Variants in NOTUM observed in about 807,000 individuals in gnomAD.
NOTUM encodes the protein notum, palmitoleoyl-protein carboxylesterase.
NOTUM carries 36 observed loss-of-function variants against 65.5 expected under a neutral mutation model. The ratio of observed to expected loss-of-function variants is 0.55; its 90% CI spans 0.42 to 0.73. NOTUM has a LOEUF of 0.73. Ranked by LOEUF, NOTUM falls within the 30% of genes least tolerant of loss-of-function variation. NOTUM has a pLI of 0.00. For synonymous variants in NOTUM, 356 were observed against 297.9 expected (o/e 1.20, Z -2.01); for missense variants, 659 against 694.2 (o/e 0.95, Z 0.57).
At position 81,952,766 on chromosome 17, in the gene NOTUM, C is replaced by T. The variant is rs2143937768; in HGVS notation, c.*195G>A. ...GCCACAGATGGGGATGACAGCAGGT[C>T]CCTTGTCTCTGGCTGGGCTGTGGGA... is the stretch of plus-strand genomic sequence containing the variant. On this transcript the variant is annotated 3_prime_UTR_variant, in exon 11 of 11. Transcript: ENST00000409678. The T allele has an allele frequency of 1.7e-6, 1 of 601,122 alleles. No individual in the cohort carries two copies. Among genetic ancestry groups the T allele is most frequent in the Non-Finnish European group, 3.0e-6 (1 of 337,214 alleles). The allele number at this position is 601,122 out of a possible 1,614,324, so 37.2% of individuals were successfully genotyped here.
At position 81,959,541 on chromosome 17, in the gene NOTUM, C is replaced by T; in HGVS notation, c.402G>A (p.Glu134=). 11 of 1,549,118 alleles carry T rather than the reference C, an allele frequency of 7.1e-6. No individual in the cohort carries two copies. Among genetic ancestry groups the T allele is most frequent in the Non-Finnish European group, 9.6e-6 (11 of 1,146,546 alleles). ...TGGTGTCGTATCTGGAGTCGCAGTT[C>T]TCGCGGTTGAAGCAGTACCAGCCGC... The part of the protein sequence containing the change: ...LEGGWYCFNR[E]NCDSRYDTMR... Residue 134 remains glutamate, a synonymous_variant, in exon 3 of 11, where the codon GAG becomes GAA. Transcript: ENST00000409678.
intron 5 of NOTUM, 135 bp from the exon 6 acceptor site, chr17:81,958,043 TGGGTGGACTGGAGGAAGGCG>T: frequency 1.4e-6 from 1 of 693,162 alleles, no homozygotes; most frequent in Admixed American, 2.5e-5. Flanking sequence ...GTCAGGGGCT[TGGGTGGACTGGAGGAAGGCG>T]GGTGCACCAG....
At chr17:81,958,032 G>C in intron 5 of NOTUM, 124 bp from the exon 6 acceptor site, 1 of 738,986 alleles carries the variant, frequency 1.4e-6, no homozygotes. Context: ...TCTGAGAAGG[G>C]GTCAGGGGCT....
In NOTUM at chr17:81,955,554, G is replaced by C; in HGVS notation, c.989-10C>G. 1 of 1,606,524 alleles carries C rather than the reference G, an allele frequency of 6.2e-7. No homozygotes were observed. The highest frequency in any genetic ancestry group is 8.5e-7 in the Non-Finnish European group (1 of 1,176,756). On this transcript the variant is annotated splice_polypyrimidine_tract_variant and intron_variant, in intron 8 of 10. Coordinates refer to ENST00000409678, the MANE Select transcript of NOTUM (RefSeq NM_178493.6). ...ACCACGAACACAGGGCCTGCGGGCG[G>C]CGGGGCTCAGTTCGGCCTCCCCTGA... is the stretch of plus-strand genomic sequence containing the variant.
chr17:81,956,796 G>C, intron 7 of NOTUM, 46 bp from the exon 8 acceptor site: 2 of 1,592,634 alleles, frequency 1.3e-6, no homozygotes, highest in Non-Finnish European at 1.7e-6. Context: ...CTCGTCCCCC[G>C]GGGCTCCCCA....
Position 81,960,986 on chromosome 17 carries a change from C to A in NOTUM, c.-77G>T. ...GCGGGGGATGCCGGGCCGGGGGTGC[C>A]GGGCCGGGGGTGTCGGGGGCACTGG... On this transcript the variant is annotated 5_prime_UTR_variant, in exon 1 of 11. Coordinates refer to ENST00000409678, the MANE Select transcript of NOTUM (RefSeq NM_178493.6). This position sits in a 1 kb window ranked among gnomAD's most constrained non-coding sequence, Gnocchi z 6.4. 3 of 806,478 alleles carry A rather than the reference C, an allele frequency of 3.7e-6. No individual in the cohort carries two copies. Among genetic ancestry groups the A allele is most frequent in the Non-Finnish European group, 4.8e-6 (3 of 626,750 alleles). 50.0% of individuals were successfully genotyped at this position (806,478 alleles called of 1,614,324 possible). A position where few individuals can be genotyped will look rare whatever the true frequency, so the allele number is the denominator to read the frequency against.
intron 9 of NOTUM, among the ~76,000 whole-genome samples, chr17:81,954,567 A>G (rs1170892271): frequency 2.0e-5 from 3 of 152,218 alleles, no homozygotes; most frequent in African/African-American, 7.2e-5. Context: ...AGACAGGCAA[A>G]TATTCTGCTA....
chr17:81,959,882 C>CATT (rs2041461178), intron 1 of NOTUM, 190 bp from the exon 2 acceptor site: 2 of 213,466 alleles, frequency 9.4e-6, no homozygotes, highest in African/African-American at 2.3e-5. Context: ...GCTCGCGGGG[C>CATT]GGGGAACGGG....
In NOTUM at chr17:81,957,961, C is replaced by T. The variant is rs551557586; in HGVS notation, c.593-53G>A. On this transcript the variant is annotated intron_variant, in intron 5 of 10. Coordinates refer to ENST00000409678, the MANE Select transcript of NOTUM (RefSeq NM_178493.6). ...TAGGGGCCTGGACAGAGAGAACCAC[C>T]TCCTACCCCAGAATGGCTGGCAGAG... 4.2e-5 allele frequency: 55 copies of T among 1,297,032 alleles called. No homozygotes were observed. In the African/African-American group the frequency reaches 5.9e-4, roughly 14 times the overall value. The allele number at this position is 1,297,032 out of a possible 1,614,324, so 80.3% of individuals were successfully genotyped here.
intron 8 of NOTUM, among the ~76,000 whole-genome samples, chr17:81,955,870 G>A (rs1356282038): frequency 9.4e-6 from 1 of 106,830 alleles, no homozygotes; most frequent in Non-Finnish European, 1.9e-5. Context: ...GGCCCCTGCA[G>A]TGCCCCCTAT....
At position 81,958,249 on chromosome 17, in the gene NOTUM, T is replaced by A. The variant is rs1040580690; in HGVS notation, c.592+86A>T. 56 of 903,494 alleles carry A rather than the reference T, an allele frequency of 6.2e-5. No individual in the cohort carries two copies. The African/African-American group carries it at 6.6e-4, about 11-fold the overall frequency. The allele number at this position is 903,494 out of a possible 1,614,324, so 56.0% of individuals were successfully genotyped here. A position where few individuals can be genotyped will look rare whatever the true frequency, so the allele number is the denominator to read the frequency against. On this transcript the variant is annotated intron_variant, in intron 5 of 10. Transcript: ENST00000409678. ...CCAGAACCCCTGCCGTCCCGCCTCA[T>A]CCCTGCCCTGCCGTCCTGCCTCCTC...
intron 6 of NOTUM, among the ~76,000 whole-genome samples, chr17:81,957,365 G>A (rs944443979): frequency 7.2e-5 from 11 of 152,110 alleles, no homozygotes; most frequent in Non-Finnish European, 1.5e-4. Flanking sequence ...TGAAAATGAA[G>A]ATAAACTATG....
In NOTUM at chr17:81,960,195, C is replaced by T. The variant is rs972403747; in HGVS notation, c.323+392G>A. ...CGTGGGCGGCCCCGCCGCTCCCCGA[C>T]CCCCGACCTCACGTCTTTTATCTAC... On this transcript the variant is annotated intron_variant, in intron 1 of 10. Coordinates refer to ENST00000409678, the MANE Select transcript of NOTUM (RefSeq NM_178493.6). This position sits in a 1 kb window ranked among gnomAD's most constrained non-coding sequence, Gnocchi z 6.4. Among the ~76,000 whole-genome samples the T allele has an allele frequency of 8.5e-5, 13 of 152,204 alleles. No homozygotes were observed. The highest frequency in any genetic ancestry group is 1.8e-4 in the Non-Finnish European group (12 of 68,030).
intron 5 of NOTUM, 46 bp downstream of exon 5, chr17:81,958,289 C>G (rs370128974): frequency 7.4e-7 from 1 of 1,355,172 alleles, no homozygotes; most frequent in Non-Finnish European, 1.1e-6. Flanking sequence ...CCCTGCCATC[C>G]GGCCCCGTCC....
At position 81,959,661 on chromosome 17, in the gene NOTUM, G is replaced by A; in HGVS notation, c.355C>T (p.Arg119Trp). ...GCACCTTCCAGGAAGAGGAGCCACC[G>A]CCGGCTGCCCCTGGACTCCTTCAGG... ...YYLKESRGSR[R>W]WLLFLEGGWY... is the part of the protein sequence containing the mutation. Residue 119 changes from arginine to tryptophan, a missense_variant, in exon 2 of 11, where the codon CGG becomes TGG. Transcript: ENST00000409678. 1 of 1,543,198 alleles carries A rather than the reference G, an allele frequency of 6.5e-7. No individual in the cohort carries two copies.
chr17:81,952,692 C>CT lies in NOTUM; in HGVS notation c.*268_*269insA. On this transcript the variant is annotated 3_prime_UTR_variant, in exon 11 of 11. Transcript: ENST00000409678. ...TGTCTGAGCTGGTGGACTGAGGAATCCAGTGCTTCTCTTCTGGCTACCCCC... is the reference window on the plus strand; with the variant it reads ...TGTCTGAGCTGGTGGACTGAGGAATCTCAGTGCTTCTCTTCTGGCTACCCCC... 1.8e-6 allele frequency: 1 copy of CT among 542,820 alleles called. No individual in the cohort carries two copies. The highest frequency in any genetic ancestry group is 3.3e-6 in the Non-Finnish European group (1 of 305,358). 33.6% of individuals were successfully genotyped at this position (542,820 alleles called of 1,614,324 possible).
At chr17:81,956,572 G>A in intron 8 of NOTUM, 78 bp downstream of exon 8, 1 of 999,330 alleles carries the variant, frequency 1.0e-6, no homozygotes, top group South Asian at 1.4e-5. Context: ...GAAGACTGGA[G>A]TCCACGCTGG....
rs1359635456 is a variant in NOTUM, at chr17:81,960,146, C to T, written c.323+441G>A. Among the ~76,000 whole-genome samples the T allele has an allele frequency of 2.6e-5, 4 of 152,144 alleles. No homozygotes were observed. Among genetic ancestry groups the T allele is most frequent in the Non-Finnish European group, 4.4e-5 (3 of 67,952 alleles). ...CCACGCCCAAGTCTCCCGCTGTCCC[C>T]GGCTGTCCTCGGCCTGTTGAGCGCG... On this transcript the variant is annotated intron_variant, in intron 1 of 10. Transcript: ENST00000409678. The surrounding 1 kb of genome is among the most constrained non-coding windows in gnomAD (Gnocchi z 6.4).
chr17:81,957,300 TCTCCCCTTCCTC>T (rs955131359), intron 6 of NOTUM, among the ~76,000 whole-genome samples: 7 of 152,082 alleles, frequency 4.6e-5, no homozygotes, highest in Admixed American at 4.6e-4. Context: ...ACAGCCAGGC[TCTCCCCTTCCTC>T]CTCCCCTTCC....
Sources: allele counts gnomAD v4.1 joint callset (sites outside exome capture counted in the v4.1 genomes callset), GRCh38; gene constraint gnomAD v4.1.1; non-coding constraint Gnocchi (gnomAD v3.1); transcripts MANE v1.5; gene names NCBI Gene and HGNC (gene_info 2026-07-23, HGNC 2026-07-21).